Variants in ZNF729 observed in about 807,000 individuals in gnomAD.
ZNF729 encodes the protein zinc finger protein 729.
In ZNF729, 15 loss-of-function variants were observed where a neutral mutation model predicts 12.2. The observed-to-expected ratio is 1.23, with a 90% CI of 0.82 to 1.89. ZNF729 has a LOEUF of 1.89. ZNF729 is among the 40% of genes most tolerant of loss of function. ZNF729 has a pLI of 0.00. For missense variants in ZNF729, 1,540 were observed against 1,456.7 expected (o/e 1.06, Z -0.93); for synonymous variants, 492 against 476.3 (o/e 1.03, Z -0.43).
rs186170632 is a variant in ZNF729, at chr19:22,289,166, G to C, written c.30+2611G>C. On this transcript the variant is annotated intron_variant, in intron 1 of 3. Transcript: ENST00000601693. ...GAAAGATAAGAAAATATTTACCAAG[G>C]GCAAAAAAGAGATGGATTTCAGAAT... Among the ~76,000 whole-genome samples, 164 of 150,852 alleles carry C rather than the reference G, an allele frequency of 1.1e-3. 3 individuals carry two copies. Among genetic ancestry groups the C allele is most frequent in the African/African-American group, 3.7e-3 (152 of 41,214 alleles).
Position 22,295,366 on chromosome 19 carries a change from GAGAA to G in ZNF729, c.31-8391_31-8388del, listed in dbSNP as rs576180579. ...CAATTCTCTTAAATAGGAGCGGTGA[GAGAA>G]GGTATGCCAGTTTTCTTTCTTTTTT... On this transcript the variant is annotated intron_variant, in intron 1 of 3. Transcript: ENST00000601693. 5.6e-4 allele frequency among the ~76,000 whole-genome samples: 85 copies of G among 150,506 alleles called. 2 individuals carry two copies. The South Asian group carries it at 0.01, about 19-fold the overall frequency.
At chr19:22,305,054 T>C (rs1315263368) in intron 3 of ZNF729, among the ~76,000 whole-genome samples, 1 of 152,204 alleles carries the variant, frequency 6.6e-6, no homozygotes, top group Non-Finnish European at 1.5e-5. Context: ...GACTGCACAG[T>C]CTGACTGCTT....
intron 1 of ZNF729, among the ~76,000 whole-genome samples, chr19:22,287,276 C>CT (rs1449500944): frequency 3.6e-5 from 5 of 140,212 alleles, no homozygotes; most frequent in Non-Finnish European, 6.2e-5. Flanking sequence ...TTTTTTTTTT[C>CT]TTTTTTTGAG....
intron 3 of ZNF729, among the ~76,000 whole-genome samples, chr19:22,312,477 T>TGTGTGTGTGTGTGTGTG (rs1491132977): frequency 2.0e-5 from 3 of 147,268 alleles, no homozygotes; most frequent in Admixed American, 6.8e-5. Flanking sequence ...TGTGTGTGTG[T>TGTGTGTGTGTGTGTGTG]TTAGATAAAG....
In ZNF729 at chr19:22,317,148, A is replaced by G; in HGVS notation, c.3731A>G (p.Lys1244Arg). Reference protein sequence around the residue: ...KTIHTGEKPYKCEECAKAF With the variant: ...KTIHTGEKPYRCEECAKAF ...ATTCATACTGGAGAGAAACCCTACA[A>G]ATGTGAAGAATGTGCCAAAGCTTTT... Residue 1244 changes from lysine to arginine, a missense_variant, in exon 4 of 4, where the codon AAA (lysine) becomes AGA (arginine). Lys to Arg is a conservative substitution (Grantham distance 26, BLOSUM62 2). Coordinates refer to ENST00000601693, the MANE Select transcript of ZNF729 (RefSeq NM_001242680.2). 6.3e-7 allele frequency: 1 copy of G among 1,598,846 alleles called. No homozygotes were observed. Among genetic ancestry groups the G allele is most frequent in the South Asian group, 1.1e-5 (1 of 89,826 alleles).
In ZNF729 at chr19:22,314,131, T is replaced by A; in HGVS notation, c.714T>A (p.Tyr238Ter). Residue 238 changes from tyrosine (Y) to a stop codon, truncating the protein, a stop_gained, in exon 4 of 4, where the codon TAT (tyrosine) becomes TAA (stop). Coordinates refer to ENST00000601693, the MANE Select transcript of ZNF729 (RefSeq NM_001242680.2). LOFTEE classifies it low-confidence loss of function (END_TRUNC). ...ATACTGAAGACAAACCTTACAAATA[T>A]AAGAAATGTGGCAATGCCTTTAAAT... ...IIHTEDKPYK[Y>*]KKCGNAFKFS... 6.4e-7 allele frequency: 1 copy of A among 1,553,964 alleles called. No individual in the cohort carries two copies. The highest frequency in any genetic ancestry group is 8.7e-7 in the Non-Finnish European group (1 of 1,150,362).
intron 1 of ZNF729, among the ~76,000 whole-genome samples, chr19:22,287,890 A>G (rs1319669492): frequency 2.7e-5 from 4 of 149,804 alleles, no homozygotes; most frequent in African/African-American, 4.9e-5. Context: ...CTGTTGCCCA[A>G]CCTGGAGTGT....
At chr19:22,300,767 C>G (rs1416645733) in intron 1 of ZNF729, among the ~76,000 whole-genome samples, 1 of 152,160 alleles carries the variant, frequency 6.6e-6, no homozygotes, top group African/African-American at 2.4e-5. Flanking sequence ...CCCAGAAACC[C>G]AATCAGAGTA....
rs138204409 is a variant in ZNF729 at position 22,294,352 on chromosome 19, G to A, written c.30+7797G>A. ...TCTGTTTCTTGTACCAGTATTATGC[G>A]GCTTTGGTTACAGTAGCCCTATTGT... On this transcript the variant is annotated intron_variant, in intron 1 of 3. Coordinates refer to ENST00000601693, the MANE Select transcript of ZNF729 (RefSeq NM_001242680.2). Among the ~76,000 whole-genome samples the A allele has an allele frequency of 2.3e-3, 356 of 152,160 alleles. 1 individual carries two copies. Among genetic ancestry groups the A allele is most frequent in the Non-Finnish European group, 3.4e-3 (231 of 68,016 alleles).
At chr19:22,298,008 A>AC (rs1257052878) in intron 1 of ZNF729, among the ~76,000 whole-genome samples, 1 of 123,230 alleles carries the variant, frequency 8.1e-6, no homozygotes, top group African/African-American at 4.4e-5. Context: ...TCCATCTCAA[A>AC]AAAAAAAAAA....
At chr19:22,311,622 T>C (rs1246523048) in intron 3 of ZNF729, among the ~76,000 whole-genome samples, 1 of 152,150 alleles carries the variant, frequency 6.6e-6, no homozygotes, top group Non-Finnish European at 1.5e-5. Context: ...ATATGGTCTA[T>C]TTGGAGAAAG....
At chr19:22,293,188 C>G (rs1421267036) in intron 1 of ZNF729, among the ~76,000 whole-genome samples, 1 of 151,234 alleles carries the variant, frequency 6.6e-6, no homozygotes, top group Non-Finnish European at 1.5e-5. Context: ...TTTTGTCTAC[C>G]TTTTTTTTTA....
chr19:22,289,082 C>T (rs142063406), intron 1 of ZNF729, among the ~76,000 whole-genome samples: 4 of 141,926 alleles, frequency 2.8e-5, no homozygotes, highest in South Asian at 2.1e-4. Flanking sequence ...AAGATTTGGT[C>T]GCTTATTTTG....
intron 1 of ZNF729, among the ~76,000 whole-genome samples, chr19:22,290,523 G>A (rs1320828983): frequency 3.3e-5 from 5 of 152,086 alleles, no homozygotes; most frequent in African/African-American, 1.2e-4. Context: ...TTAGGAGGTG[G>A]GAGGGGATGG....
At chr19:22,289,893 G>T (rs942659728) in intron 1 of ZNF729, among the ~76,000 whole-genome samples, 1 of 152,108 alleles carries the variant, frequency 6.6e-6, no homozygotes, top group Non-Finnish European at 1.5e-5. Flanking sequence ...TTTACTACAT[G>T]ATTTTTAATG....
At chr19:22,311,831 T>A (rs1968453287) in intron 3 of ZNF729, among the ~76,000 whole-genome samples, 1 of 152,250 alleles carries the variant, frequency 6.6e-6, no homozygotes, top group Non-Finnish European at 1.5e-5. Flanking sequence ...CTATCTCATT[T>A]ATTAGGTCTA....
chr19:22,308,038 C>G (rs1452939795), intron 3 of ZNF729, among the ~76,000 whole-genome samples: 1 of 151,848 alleles, frequency 6.6e-6, no homozygotes, highest in Non-Finnish European at 1.5e-5. Context: ...CCCTCAAGTC[C>G]CCAAAGTCCA....
chr19:22,298,284 G>A (rs914131104), intron 1 of ZNF729, among the ~76,000 whole-genome samples: 1 of 151,772 alleles, frequency 6.6e-6, no homozygotes, highest in Non-Finnish European at 1.5e-5. Context: ...TCATACTTTT[G>A]AAACATATAA....
chr19:22,301,380 C>T (rs59533346), intron 1 of ZNF729, among the ~76,000 whole-genome samples: 54,418 of 151,932 alleles, frequency 0.36, 10,781 homozygotes, highest in Middle Eastern at 0.55. Flanking sequence ...TCAGCTTTTT[C>T]GTTTTAGGTA....
Sources: allele counts gnomAD v4.1 joint callset (sites outside exome capture counted in the v4.1 genomes callset), GRCh38; gene constraint gnomAD v4.1.1; transcripts MANE v1.5; gene names NCBI Gene and HGNC (gene_info 2026-07-23, HGNC 2026-07-21).